ROCK2: variants seen among roughly 807,000 people sequenced by gnomAD.
The protein encoded by ROCK2 is Rho associated coiled-coil containing protein kinase 2, also known as rho-associated protein kinase 2.
Under a neutral mutation model 195.1 loss-of-function variants are expected in ROCK2, and 61 were observed. The ratio of observed to expected loss-of-function variants is 0.31; its 90% confidence interval spans 0.25 to 0.39. The LOEUF (loss-of-function observed/expected upper bound fraction) is 0.39, where lower values mean the gene tolerates loss of function less well. Ranked by LOEUF, ROCK2 falls within the 10% of genes least tolerant of loss-of-function variation. The pLI is 1.00. For missense variants in ROCK2, 1,109 were observed against 1,637.4 expected (o/e 0.68, Z 5.57); for synonymous variants, 504 against 545.5 (o/e 0.92, Z 1.06).
Position 11,183,332 on chromosome 2 carries a change from A to G in ROCK2, c.*105T>C. ...GTATGAGTGTATGTATCAGTCTCTCAGGAAAATATAGCTTTTTAATAAATT... is the reference window on the plus strand; with the variant it reads ...GTATGAGTGTATGTATCAGTCTCTCGGGAAAATATAGCTTTTTAATAAATT... On this transcript the variant is annotated 3_prime_UTR_variant, in exon 33 of 33. Transcript: ENST00000315872. 2 of 865,894 alleles carry G rather than the reference A, an allele frequency of 2.3e-6. No individual in the cohort carries two copies. Among genetic ancestry groups the G allele is most frequent in the East Asian group, 5.0e-5 (2 of 39,674 alleles). The allele number at this position is 865,894 out of a possible 1,614,324, so 53.6% of individuals were successfully genotyped here. A position where few individuals can be genotyped will look rare whatever the true frequency, so the allele number is the denominator to read the frequency against.
chr2:11,236,877 G>A (rs1326745223), intron 4 of ROCK2, among the ~76,000 whole-genome samples: 1 of 152,208 alleles, frequency 6.6e-6, no homozygotes, highest in Admixed American at 6.5e-5. Context: ...TCAACCAGGC[G>A]TGGTGGCTCA....
chr2:11,343,872 G>C, intron 1 of ROCK2, 124 bp downstream of exon 1: 1 of 1,259,618 alleles, frequency 7.9e-7, no homozygotes, highest in Non-Finnish European at 1.1e-6. Flanking sequence ...CCGGCTGCCG[G>C]AAGCAGGGCG....
chr2:11,226,465 A>G (rs936314921), intron 6 of ROCK2, among the ~76,000 whole-genome samples: 3 of 152,224 alleles, frequency 2.0e-5, no homozygotes, highest in South Asian at 4.1e-4. Flanking sequence ...AATTACAAAC[A>G]ATATATATGC....
chr2:11,195,906 T>C (rs12470004), intron 27 of ROCK2, among the ~76,000 whole-genome samples: 60,083 of 152,138 alleles, frequency 0.39, 13,394 homozygotes, highest in Admixed American at 0.51. Context: ...AGTAACATTG[T>C]AATTCAACTA....
chr2:11,201,186 T>G lies in ROCK2; in HGVS notation c.2724-43A>C. Reference sequence around the variant, plus strand: ...ATCATTTTAATGGTTCAGTTTTCACTATGAAGTGAAAGTTTTTGTCTAATT... The same window carrying G: ...ATCATTTTAATGGTTCAGTTTTCACGATGAAGTGAAAGTTTTTGTCTAATT... On this transcript the variant is annotated intron_variant, in intron 22 of 32. Coordinates refer to ENST00000315872, the MANE Select transcript of ROCK2 (RefSeq NM_004850.5). This position sits in a 1 kb window ranked among gnomAD's most constrained non-coding sequence, Gnocchi z 4.6. 6.4e-7 allele frequency: 1 copy of G among 1,566,598 alleles called. No homozygotes were observed.
At chr2:11,217,791 A>G (rs558338771) in intron 11 of ROCK2, 6 of 153,448 alleles carry the variant, frequency 3.9e-5, no homozygotes, top group African/African-American at 1.4e-4. Flanking sequence ...CATTTTTGGA[A>G]CATTATTTAC....
rs368150679 is a variant in ROCK2 at position 11,340,244 on chromosome 2, T to C, written c.141+3752A>G. 3.3e-4 allele frequency among the ~76,000 whole-genome samples: 50 copies of C among 152,292 alleles called. No homozygotes were observed. The East Asian group carries it at 8.9e-3, about 27-fold the overall frequency. ...GGGCAACACCCTGAAATCAAATACATTCATATTCCTCCAGCAAAAGGCATT... is the reference window on the plus strand; with the variant it reads ...GGGCAACACCCTGAAATCAAATACACTCATATTCCTCCAGCAAAAGGCATT... On this transcript the variant is annotated intron_variant, in intron 1 of 32. Transcript: ENST00000315872.
At chr2:11,288,972 C>G (rs1165156571) in intron 1 of ROCK2, among the ~76,000 whole-genome samples, 1 of 152,076 alleles carries the variant, frequency 6.6e-6, no homozygotes, top group Non-Finnish European at 1.5e-5. Context: ...ACATACTATG[C>G]TTGCCACTCA....
chr2:11,286,373 A>C (rs953446400), intron 3 of ROCK2, among the ~76,000 whole-genome samples, 166 bp downstream of exon 3: 10 of 151,614 alleles, frequency 6.6e-5, no homozygotes, highest in African/African-American at 7.3e-5. Flanking sequence ...AGAGACCCAG[A>C]GTAGACAACA....
chr2:11,233,270 G>A (rs1377035772), intron 5 of ROCK2, among the ~76,000 whole-genome samples: 4 of 151,816 alleles, frequency 2.6e-5, no homozygotes, highest in Non-Finnish European at 4.4e-5. Flanking sequence ...TTTTTTTCTT[G>A]GCAACCTTAG....
chr2:11,193,745 C>A (rs1380250203), intron 30 of ROCK2, 34 bp downstream of exon 30: 2 of 1,314,068 alleles, frequency 1.5e-6, no homozygotes, highest in Admixed American at 2.0e-5. Context: ...CAAAACAAAG[C>A]CAACCAACCA....
intron 20 of ROCK2, 50 bp from the exon 21 acceptor site, chr2:11,202,171 C>T (rs199661007): frequency 1.3e-4 from 189 of 1,454,608 alleles, no homozygotes; most frequent in Admixed American, 3.7e-4. Context: ...ATATTTTAAA[C>T]GAGCAGCTCT....
rs1572208016 is a variant in ROCK2, at chr2:11,181,697, G to A, written c.*1740C>T. 6.9e-6 allele frequency: 1 copy of A among 143,990 alleles called. No homozygotes were observed. The highest frequency in any genetic ancestry group is 1.5e-5 in the Non-Finnish European group (1 of 67,054). The allele number at this position is 143,990 out of a possible 1,614,324, so 8.9% of individuals were successfully genotyped here. Reference sequence around the variant, plus strand: ...TGCCCAGGCTGGAGTGCAGTGGCTCGATCTTCGCTCACTGCAACCACCGTC... The same window carrying A: ...TGCCCAGGCTGGAGTGCAGTGGCTCAATCTTCGCTCACTGCAACCACCGTC... On this transcript the variant is annotated 3_prime_UTR_variant, in exon 33 of 33. Coordinates refer to ENST00000315872, the MANE Select transcript of ROCK2 (RefSeq NM_004850.5).
chr2:11,220,977 T>C (rs534839381), intron 9 of ROCK2, among the ~76,000 whole-genome samples: 3 of 152,218 alleles, frequency 2.0e-5, no homozygotes, highest in Non-Finnish European at 4.4e-5. Flanking sequence ...TTTTACTGTA[T>C]ATCCCCAAAA....
chr2:11,252,935 A>G (rs1410838604), intron 3 of ROCK2, among the ~76,000 whole-genome samples: 2 of 135,662 alleles, frequency 1.5e-5, no homozygotes, highest in Non-Finnish European at 3.1e-5. Flanking sequence ...CCAGAACTTA[A>G]AAGTATAATA....
intron 3 of ROCK2, among the ~76,000 whole-genome samples, chr2:11,252,193 C>T (rs567295332): frequency 6.6e-6 from 1 of 152,086 alleles, no homozygotes; most frequent in East Asian, 1.9e-4. Context: ...GGTGGATCAC[C>T]TGAAGTCAGG....
intron 1 of ROCK2, among the ~76,000 whole-genome samples, chr2:11,329,096 GA>G (rs1004956351): frequency 1.3e-5 from 1 of 79,012 alleles, no homozygotes; most frequent in African/African-American, 2.9e-5. Flanking sequence ...GCAAAAAAAA[GA>G]AACAAAAAAA....
chr2:11,219,336 C>CAAAAAAAAAAA (rs35159426), intron 9 of ROCK2, among the ~76,000 whole-genome samples: 17 of 67,382 alleles, frequency 2.5e-4, no homozygotes, highest in African/African-American at 8.9e-4. Context: ...CTTATCTCTA[C>CAAAAAAAAAAA]AAAAAAAAAA....
intron 1 of ROCK2, among the ~76,000 whole-genome samples, chr2:11,321,844 GAATT>G (rs1250477655): frequency 6.6e-6 from 1 of 152,132 alleles, no homozygotes; most frequent in Non-Finnish European, 1.5e-5. Flanking sequence ...GTTACTGACT[GAATT>G]ATGTTTCAAC....
Sources: allele counts gnomAD v4.1 joint callset (sites outside exome capture counted in the v4.1 genomes callset), GRCh38; gene constraint gnomAD v4.1.1; non-coding constraint Gnocchi (gnomAD v3.1); transcripts MANE v1.5; gene names NCBI Gene and HGNC (gene_info 2026-07-23, HGNC 2026-07-21).